Variants in MICALL1 observed in about 807,000 individuals in gnomAD.
The protein encoded by MICALL1 is MICAL like 1.
A neutral mutation model predicts 83.7 loss-of-function variants in MICALL1; 61 were observed. The ratio of observed to expected loss-of-function variants is 0.73; its 90% CI spans 0.59 to 0.90. The LOEUF (loss-of-function observed/expected upper bound fraction) is 0.90, where lower values mean the gene tolerates loss of function less well. Among genes scored for constraint, MICALL1 ranks in the 40% least tolerant of loss-of-function variants. The pLI is 0.00. For synonymous variants in MICALL1, 481 were observed against 473.6 expected, an observed-to-expected ratio of 1.02 and a Z score of -0.20; for missense variants, 1,066 against 1,152.0, an observed-to-expected ratio of 0.93 and a Z score of 1.08.
chr22:37,921,768 G>A (rs1929046149), intron 5 of MICALL1, among the ~76,000 whole-genome samples: 1 of 152,212 alleles, frequency 6.6e-6, no homozygotes, highest in African/African-American at 2.4e-5. Context: ...CTGAGTTCGT[G>A]TGATTTGGTG....
chr22:37,910,715 C>A (rs1396005863), intron 1 of MICALL1, among the ~76,000 whole-genome samples: 2 of 152,154 alleles, frequency 1.3e-5, no homozygotes, highest in African/African-American at 4.8e-5. Flanking sequence ...CAGTCCCTGG[C>A]CCCTGCCTGG....
At chr22:37,926,162 A>T (rs1929428302) in intron 8 of MICALL1, 119 bp downstream of exon 8, 1 of 1,282,098 alleles carries the variant, frequency 7.8e-7, no homozygotes, top group African/African-American at 1.5e-5. Flanking sequence ...TTCATGGGTG[A>T]CTTCTCATTT....
intron 5 of MICALL1, 104 bp from the exon 6 acceptor site, chr22:37,921,868 G>A (rs1929051897): frequency 9.0e-7 from 1 of 1,109,564 alleles, no homozygotes; most frequent in South Asian, 1.6e-5. Context: ...GCTGGCAGTT[G>A]GGAGGAGGGA....
chr22:37,914,879 G>A (rs2145889356), intron 3 of MICALL1, among the ~76,000 whole-genome samples: 1 of 148,310 alleles, frequency 6.7e-6, no homozygotes, highest in African/African-American at 2.5e-5. Context: ...TAAGCTCAAG[G>A]GATCTACCCT....
rs1929827218 is a variant in MICALL1 at position 37,932,227 on chromosome 22, T to C, written c.2016+294T>C. ...ACTGCTACTTAAGCTGATTAGAGTG[T>C]TCTCAAGTTTATCTCTGTAATAAGG... is the stretch of plus-strand genomic sequence containing the variant. On this transcript the variant is annotated intron_variant, in intron 10 of 15. Coordinates refer to ENST00000215957, the MANE Select transcript of MICALL1 (RefSeq NM_033386.4). The surrounding 1 kb of genome is among the most constrained non-coding windows in gnomAD (Gnocchi z 4.4). Among the ~76,000 whole-genome samples, 1 of 152,244 alleles carries C rather than the reference T, an allele frequency of 6.6e-6. No individual in the cohort carries two copies.
chr22:37,938,227 C>T (rs1344331321), intron 15 of MICALL1, among the ~76,000 whole-genome samples: 3 of 151,776 alleles, frequency 2.0e-5, no homozygotes, highest in African/African-American at 4.8e-5. Flanking sequence ...ACGGTGAAAC[C>T]CCGTCTCTAC....
At chr22:37,931,497 G>C (rs112397311) in intron 9 of MICALL1, among the ~76,000 whole-genome samples, 2,301 of 152,294 alleles carry the variant, frequency 0.015, 57 homozygotes, top group African/African-American at 0.052. Flanking sequence ...TGAGGCTGCA[G>C]TGCAGCCATG....
At chr22:37,920,712 G>A (rs1425663831) in intron 5 of MICALL1, among the ~76,000 whole-genome samples, 1 of 152,074 alleles carries the variant, frequency 6.6e-6, no homozygotes, top group Non-Finnish European at 1.5e-5. Flanking sequence ...ACGAGGTCAG[G>A]AGATCGAAGC....
At position 37,925,732 on chromosome 22, in the gene MICALL1, C is replaced by T. The variant is rs1569143577; in HGVS notation, c.1154C>T (p.Pro385Leu). ...VQAEPKKKPA[P>L]LPPSSSPGPP... ...GCAGAACCAAAGAAGAAGCCAGCCCCACTTCCCCCAAGCAGCAGCCCGGGG... is the reference window on the plus strand; with the variant it reads ...GCAGAACCAAAGAAGAAGCCAGCCCTACTTCCCCCAAGCAGCAGCCCGGGG... The change falls in exon 8 of 16, where the codon CCA becomes CTA. Residue 385 changes from proline to leucine, a missense_variant. By Grantham distance (98) the Pro-to-Leu change is moderately conservative. Transcript: ENST00000215957. 6.2e-7 allele frequency: 1 copy of T among 1,611,960 alleles called. No homozygotes were observed. Among genetic ancestry groups the T allele is most frequent in the Admixed American group, 1.7e-5 (1 of 59,928 alleles).
At chr22:37,921,909 G>A in intron 5 of MICALL1, 63 bp from the exon 6 acceptor site, 1 of 1,472,386 alleles carries the variant, frequency 6.8e-7, no homozygotes, top group Non-Finnish European at 9.1e-7. Context: ...TGCGGCTGGA[G>A]GGGTAGCCAG....
At position 37,922,212 on chromosome 22, in the gene MICALL1, C is replaced by T; in HGVS notation, c.810C>T (p.Pro270=). 3.7e-6 allele frequency: 6 copies of T among 1,611,200 alleles called. No individual in the cohort carries two copies. The highest frequency in any genetic ancestry group is 5.1e-6 in the Non-Finnish European group (6 of 1,179,330). The stretch of plus-strand genomic sequence containing the variant: ...CTGCAGGGGCTGAGGCCGATGGACC[C>T]AAGGCCAGCCCTGAGGCCCGGCCGC... The part of the protein sequence containing the change: ...SAPAGAEADG[P]KASPEARPQI... Residue 270 remains proline, a synonymous_variant, in exon 6 of 16, where the codon CCC becomes CCT. Coordinates refer to ENST00000215957, the MANE Select transcript of MICALL1 (RefSeq NM_033386.4).
rs1175183062 is a variant in MICALL1, at chr22:37,925,107, G to A, written c.1082+390G>A. ...ACCAGTCCCTCAGGTCCTGCAGCACGGGACCCTGCTTCACGTGGAGGACAT... is the reference window on the plus strand; with the variant it reads ...ACCAGTCCCTCAGGTCCTGCAGCACAGGACCCTGCTTCACGTGGAGGACAT... On this transcript the variant is annotated intron_variant, in intron 7 of 15. Transcript: ENST00000215957. 3.3e-5 allele frequency among the ~76,000 whole-genome samples: 5 copies of A among 152,172 alleles called. No homozygotes were observed. The South Asian group carries it at 6.2e-4, about 19-fold the overall frequency.
rs778018992 is a variant in MICALL1 at position 37,927,726 on chromosome 22, C to T, written c.1781C>T (p.Ala594Val). Residue 594 changes from alanine (A) to valine (V), a missense_variant, in exon 9 of 16, where the codon GCC (alanine) becomes GTC (valine). Coordinates refer to ENST00000215957, the MANE Select transcript of MICALL1 (RefSeq NM_033386.4). ...AGGGGCAGCTCAGGTCCCCAGCCAG[C>T]CAAGCCCTGCAGTGGCGCCACCCCA... The part of the protein sequence containing the change: ...RTRGSSGPQP[A>V]KPCSGATPTP... 1 of 1,614,020 alleles carries T rather than the reference C, an allele frequency of 6.2e-7. No individual in the cohort carries two copies. The highest frequency in any genetic ancestry group is 8.5e-7 in the Non-Finnish European group (1 of 1,180,016).
Position 37,924,916 on chromosome 22 carries a change from G to A in MICALL1, c.1082+199G>A, listed in dbSNP as rs1324155667. Among the ~76,000 whole-genome samples, 1 of 152,160 alleles carries A rather than the reference G, an allele frequency of 6.6e-6. No homozygotes were observed. The highest frequency in any genetic ancestry group is 1.5e-5 in the Non-Finnish European group (1 of 68,004). ...CGGCCAGTGCCTGGCCCCCTCCCCA[G>A]GTCCCTGCTCCTGTGGGCAGTGCCC... On this transcript the variant is annotated intron_variant, in intron 7 of 15. Coordinates refer to ENST00000215957, the MANE Select transcript of MICALL1 (RefSeq NM_033386.4). This position sits in a 1 kb window ranked among gnomAD's most constrained non-coding sequence, Gnocchi z 5.2.
In MICALL1 at chr22:37,932,571, AT is replaced by A; in HGVS notation, c.2036del (p.Ile679ThrfsTer35). 1 of 1,614,138 alleles carries A rather than the reference AT, an allele frequency of 6.2e-7. No homozygotes were observed. Among genetic ancestry groups the A allele is most frequent in the Non-Finnish European group, 8.5e-7 (1 of 1,180,016 alleles). On this transcript the variant is annotated frameshift_variant, in exon 11 of 16. Transcript: ENST00000215957. LOFTEE classifies it high-confidence loss of function. The surrounding 1 kb of genome is among the most constrained non-coding windows in gnomAD (Gnocchi z 4.4). ...TGGGCAGGTCCAGGCTGACCAGTAC[AT>A]CCCTGAGGAGGACATCCATGGAGAG... ...IKRKVQADQY[I>X]PEEDIHGEMD...
chr22:37,926,131 A>C lies in MICALL1; in HGVS notation c.1465+88A>C, dbSNP rs73886203. 12,517 of 1,448,180 alleles carry C rather than the reference A, an allele frequency of 8.6e-3. 652 individuals are homozygous for C. The African/African-American group carries it at 0.13, about 15-fold the overall frequency. 89.7% of individuals were successfully genotyped at this position (1,448,180 alleles called of 1,614,324 possible). On this transcript the variant is annotated intron_variant, in intron 8 of 15. Transcript: ENST00000215957. ...GAGGGGGTGTGGTGGGGCAGAGCCT[A>C]CCAGGCCAGGCACCACGTGTTTCAT...
intron 13 of MICALL1, 28 bp downstream of exon 13, chr22:37,933,140 G>A: frequency 6.2e-7 from 1 of 1,610,794 alleles, no homozygotes; most frequent in South Asian, 1.1e-5. Context: ...CACTCCCCTG[G>A]CACCTGCCCT....
intron 13 of MICALL1, 135 bp from the exon 14 acceptor site, chr22:37,936,945 C>A: frequency 1.5e-6 from 1 of 667,310 alleles, no homozygotes; most frequent in Non-Finnish European, 2.5e-6. Context: ...CGGGGCCCTT[C>A]CTTTCTGCGC....
At position 37,912,390 on chromosome 22, in the gene MICALL1, C is replaced by G. The variant is rs1369426204; in HGVS notation, c.235C>G (p.Leu79Val). The change falls in exon 3 of 16, where the codon CTC becomes GTC. Residue 79 changes from leucine (L) to valine (V), a missense_variant. Transcript: ENST00000215957. ...VAEKELGIPA[L>V]LDPNDMVSMS... ...TGAGAAGGAGCTGGGGATCCCCGCT[C>G]TCCTGGACCCCAATGACATGGTCTC... The G allele has an allele frequency of 7.4e-6, 12 of 1,613,898 alleles. No individual in the cohort carries two copies. In the South Asian group the frequency reaches 1.3e-4, roughly 18 times the overall value.
Sources: allele counts gnomAD v4.1 joint callset (sites outside exome capture counted in the v4.1 genomes callset), GRCh38; gene constraint gnomAD v4.1.1; non-coding constraint Gnocchi (gnomAD v3.1); transcripts MANE v1.5; gene names NCBI Gene and HGNC (gene_info 2026-07-23, HGNC 2026-07-21).